Variants in CSTPP1 observed in about 807,000 individuals in gnomAD.
CSTPP1 encodes the protein UPF0705 protein C11orf49.
chr11:47,035,209 A>T, the CSTPP1 span, among the ~76,000 whole-genome samples: 5,040 of 152,314 alleles, frequency 0.033, 122 homozygotes, highest in Non-Finnish European at 0.051. Context: ...ATGAAGGCCA[A>T]ACCACAGCTG....
chr11:46,948,582 A>G, the CSTPP1 span, among the ~76,000 whole-genome samples: 1 of 151,942 alleles, frequency 6.6e-6, no homozygotes, highest in Admixed American at 6.5e-5. Context: ...TGTGATGGCT[A>G]CATAAAAAAA....
chr11:47,023,236 A>G, the CSTPP1 span: 3 of 152,230 alleles, frequency 2.0e-5, no homozygotes, highest in Admixed American at 6.5e-5. Context: ...TCACACCTAT[A>G]TCTTACTTTT....
the CSTPP1 span, among the ~76,000 whole-genome samples, chr11:47,088,575 G>A: frequency 4.6e-5 from 7 of 152,022 alleles, no homozygotes; most frequent in East Asian, 3.9e-4. Context: ...TTGAGACAGC[G>A]TCTCTCTCTT....
At chr11:47,035,120 T>G in the CSTPP1 span, among the ~76,000 whole-genome samples, 3 of 152,362 alleles carry the variant, frequency 2.0e-5, no homozygotes, top group East Asian at 5.8e-4. Flanking sequence ...TTTTTATGCC[T>G]GCTGATGTAG....
the CSTPP1 span, among the ~76,000 whole-genome samples, chr11:47,044,646 G>A: frequency 6.6e-6 from 1 of 152,102 alleles, no homozygotes; most frequent in African/African-American, 2.4e-5. Flanking sequence ...AGAATTGGGG[G>A]GTGCAGTGAC....
At chr11:47,062,470 C>G in the CSTPP1 span, among the ~76,000 whole-genome samples, 19 of 152,300 alleles carry the variant, frequency 1.2e-4, no homozygotes, top group South Asian at 3.5e-3. Context: ...TTAATAATAG[C>G]TACCCCTTAT....
the CSTPP1 span, among the ~76,000 whole-genome samples, chr11:46,961,094 G>A: frequency 1.7e-4 from 26 of 152,210 alleles, no homozygotes; most frequent in Middle Eastern, 3.4e-3. Context: ...ATACCTAGGC[G>A]TGGAATTTCT....
chr11:47,002,502 C>G, the CSTPP1 span, among the ~76,000 whole-genome samples: 1 of 152,154 alleles, frequency 6.6e-6, no homozygotes, highest in African/African-American at 2.4e-5. Context: ...CAGCACTTGA[C>G]CTGGTAATGG....
the CSTPP1 span, among the ~76,000 whole-genome samples, chr11:47,058,674 A>G: frequency 3.3e-5 from 5 of 152,304 alleles, no homozygotes; most frequent in Admixed American, 2.6e-4. Flanking sequence ...CAACAACCCT[A>G]TGTGTTAGGT....
the CSTPP1 span, among the ~76,000 whole-genome samples, chr11:47,019,155 G>T: frequency 1.3e-5 from 2 of 151,984 alleles, no homozygotes; most frequent in Admixed American, 6.6e-5. Context: ...TTACAGGCGT[G>T]AGCCATCATG....
chr11:47,045,741 CTTAA>C, the CSTPP1 span, among the ~76,000 whole-genome samples: 3 of 151,986 alleles, frequency 2.0e-5, no homozygotes, highest in Non-Finnish European at 4.4e-5. Context: ...TGTAGGTAAA[CTTAA>C]TTAATTATTG....
At chr11:47,063,900 T>C in the CSTPP1 span, among the ~76,000 whole-genome samples, 248 of 152,292 alleles carry the variant, frequency 1.6e-3, no homozygotes, top group African/African-American at 5.8e-3. Flanking sequence ...GGAACTGCTG[T>C]AAAGTTTTCT....
chr11:46,996,381 G>A, the CSTPP1 span, among the ~76,000 whole-genome samples: 43 of 151,574 alleles, frequency 2.8e-4, 1 homozygote, highest in South Asian at 4.6e-3. Flanking sequence ...TCGACTCACT[G>A]CAAGCTCCGC....
chr11:47,083,006 A>T, the CSTPP1 span, among the ~76,000 whole-genome samples: 1 of 152,094 alleles, frequency 6.6e-6, no homozygotes, highest in Non-Finnish European at 1.5e-5. Flanking sequence ...AGTATGCATT[A>T]GCTATTTTTT....
At chr11:46,977,427 T>TG in the CSTPP1 span, among the ~76,000 whole-genome samples, 3 of 152,246 alleles carry the variant, frequency 2.0e-5, no homozygotes, top group African/African-American at 7.2e-5. Flanking sequence ...CTGAAAAATG[T>TG]GAAAAACCTC....
the CSTPP1 span, chr11:47,157,115 C>A: frequency 6.2e-7 from 1 of 1,614,124 alleles, no homozygotes. Flanking sequence ...CAGTGGGCAG[C>A]ACCGCCAACG....
At chr11:47,125,977 G>T in the CSTPP1 span, among the ~76,000 whole-genome samples, 1 of 150,918 alleles carries the variant, frequency 6.6e-6, no homozygotes, top group Non-Finnish European at 1.5e-5. Context: ...AGATTGTACC[G>T]CTGTATTCCA....
At chr11:47,047,221 A>G in the CSTPP1 span, among the ~76,000 whole-genome samples, 1 of 152,196 alleles carries the variant, frequency 6.6e-6, no homozygotes, top group African/African-American at 2.4e-5. Context: ...ATTTCTATCA[A>G]AATAAATAGG....
the CSTPP1 span, chr11:47,162,270 G>A: frequency 1.0e-6 from 1 of 985,296 alleles, no homozygotes; most frequent in South Asian, 4.7e-5. Context: ...AAGCTCCTAG[G>A]CTGAGGGGAG....
Sources: gnomAD v4.1 joint callset for allele counts (sites outside exome capture counted in the v4.1 genomes callset) on GRCh38, gnomAD v4.1.1 for gene constraint, MANE v1.5 for transcripts, NCBI Gene and HGNC (gene_info 2026-07-23, HGNC 2026-07-21) for gene names.